TBCK: variants seen among roughly 807,000 people sequenced by gnomAD.
TBCK encodes the protein TBC domain-containing protein kinase-like protein.
Under a neutral mutation model 113.4 loss-of-function variants are expected in TBCK, and 99 were observed. The ratio of observed to expected loss-of-function variants is 0.87; its 90% confidence interval spans 0.74 to 1.03. The LOEUF (loss-of-function observed/expected upper bound fraction) is 1.03. TBCK is among the 50% of genes least tolerant of loss of function. The pLI is 0.00. For synonymous variants in TBCK, 369 were observed against 370.8 expected (o/e 1.00, Z 0.05); for missense variants, 1,045 against 1,061.3 (o/e 0.98, Z 0.21).
chr4:106,248,164 C>A, intron 9 of TBCK, 81 bp downstream of exon 9: 1 of 844,706 alleles, frequency 1.2e-6, no homozygotes, highest in Non-Finnish European at 1.8e-6. Flanking sequence ...ATCTTTAATC[C>A]ATTATATTAA....
chr4:106,250,350 C>T, intron 7 of TBCK, 68 bp downstream of exon 7: 1 of 1,055,330 alleles, frequency 9.5e-7, no homozygotes, highest in Non-Finnish European at 1.4e-6. Flanking sequence ...AACACATCCT[C>T]AATGTGCATG....
intron 24 of TBCK, among the ~76,000 whole-genome samples, chr4:106,108,241 T>C (rs181912404): frequency 3.9e-5 from 6 of 152,226 alleles, no homozygotes; most frequent in Non-Finnish European, 1.5e-5. Context: ...AAGGGACTTA[T>C]ACCTAACTCA....
intron 25 of TBCK, among the ~76,000 whole-genome samples, chr4:106,073,030 G>A (rs1207585553): frequency 6.6e-6 from 1 of 152,096 alleles, no homozygotes; most frequent in Admixed American, 6.6e-5. Context: ...GCTTCCTTGC[G>A]ATGGGTTCGA....
chr4:106,229,259 C>T (rs933937340), intron 19 of TBCK, among the ~76,000 whole-genome samples: 26 of 152,044 alleles, frequency 1.7e-4, no homozygotes, highest in African/African-American at 5.1e-4. Flanking sequence ...GATGTGATCT[C>T]ATTTGTCCAT....
intron 20 of TBCK, among the ~76,000 whole-genome samples, chr4:106,206,694 G>A (rs933511301): frequency 2.0e-5 from 3 of 152,004 alleles, no homozygotes; most frequent in Admixed American, 2.0e-4. Flanking sequence ...ATTTATTTAC[G>A]TAACAACATA....
chr4:106,203,896 A>C (rs1424208710), intron 20 of TBCK, among the ~76,000 whole-genome samples: 1 of 152,192 alleles, frequency 6.6e-6, no homozygotes, highest in Non-Finnish European at 1.5e-5. Flanking sequence ...AAAGATTAAA[A>C]TTCAAAGTGG....
Position 106,236,402 on chromosome 4 carries a change from G to C in TBCK, c.1338C>G (p.Asp446Glu), listed in dbSNP as rs780853410. 19 of 1,517,244 alleles carry C rather than the reference G, an allele frequency of 1.3e-5. No homozygotes were observed. The highest frequency in any genetic ancestry group is 1.7e-5 in the Non-Finnish European group (19 of 1,132,352). The allele number at this position is 1,517,244 out of a possible 1,614,324, so 94.0% of individuals were successfully genotyped here. The change falls in exon 14 of 26, where the codon GAC becomes GAG. Residue 446 changes from aspartate to glutamate, a missense_variant. By Grantham distance (45) the Asp-to-Glu change is conservative. Transcript: ENST00000394708. ...EYQLNRIILF[D>E]RLLKAYPYKK... Reference sequence around the variant, plus strand: ...TTAGAATCCATACCTTTAGCAGCCTGTCGAAGAGAATAATTCTATTTAGTT... The same window carrying C: ...TTAGAATCCATACCTTTAGCAGCCTCTCGAAGAGAATAATTCTATTTAGTT...
chr4:106,121,698 C>T (rs1578964846), intron 23 of TBCK, among the ~76,000 whole-genome samples: 2 of 152,272 alleles, frequency 1.3e-5, no homozygotes. Flanking sequence ...TGCAATCAAA[C>T]TAGAACTCAG....
chr4:106,236,608 T>C, intron 13 of TBCK, 89 bp from the exon 14 acceptor site: 1 of 1,228,560 alleles, frequency 8.1e-7, no homozygotes. Flanking sequence ...CAACAGTGAT[T>C]TCAGAAAAAG....
At chr4:106,153,430 A>G (rs1748750007) in intron 23 of TBCK, among the ~76,000 whole-genome samples, 1 of 151,848 alleles carries the variant, frequency 6.6e-6, no homozygotes, top group African/African-American at 2.4e-5. Flanking sequence ...TATTATTTCG[A>G]TTTTCTGAAT....
intron 23 of TBCK, among the ~76,000 whole-genome samples, chr4:106,125,733 G>GT (rs1745125319): frequency 1.3e-5 from 2 of 152,112 alleles, no homozygotes; most frequent in Admixed American, 1.3e-4. Context: ...TAGGGGGAGA[G>GT]TGGTGGGGTG....
chr4:106,152,727 T>C (rs1382900670), intron 23 of TBCK, among the ~76,000 whole-genome samples: 1 of 152,040 alleles, frequency 6.6e-6, no homozygotes, highest in Non-Finnish European at 1.5e-5. Context: ...TCTTTGCTGG[T>C]AGAATTTTTA....
At position 106,045,028 on chromosome 4, in the gene TBCK, T is replaced by C. The variant is rs1165038888; in HGVS notation, c.*1542A>G. 2.0e-5 allele frequency: 3 copies of C among 150,714 alleles called. No individual in the cohort carries two copies. Among genetic ancestry groups the C allele is most frequent in the South Asian group, 2.1e-4 (1 of 4,748 alleles). 9.3% of individuals were successfully genotyped at this position (150,714 alleles called of 1,614,324 possible). A position where few individuals can be genotyped will look rare whatever the true frequency, so the allele number is the denominator to read the frequency against. ...TCATATATATGAGGCATTTTTTTTT[T>C]CAGATTTCTGAAATGGGAATGTATC... On this transcript the variant is annotated 3_prime_UTR_variant, in exon 26 of 26. Coordinates refer to ENST00000394708, the MANE Select transcript of TBCK (RefSeq NM_001163435.3).
intron 19 of TBCK, among the ~76,000 whole-genome samples, chr4:106,226,282 A>C (rs1330303751): frequency 6.6e-6 from 1 of 152,244 alleles, no homozygotes; most frequent in East Asian, 1.9e-4. Flanking sequence ...TAGAAAAATA[A>C]AATTTTGGGA....
At chr4:106,127,802 T>C (rs925711100) in intron 23 of TBCK, among the ~76,000 whole-genome samples, 1 of 152,126 alleles carries the variant, frequency 6.6e-6, no homozygotes, top group Non-Finnish European at 1.5e-5. Context: ...ACAATTTTTT[T>C]CCAAACAATT....
intron 23 of TBCK, among the ~76,000 whole-genome samples, chr4:106,120,563 C>T (rs1744192681): frequency 1.3e-5 from 2 of 152,154 alleles, no homozygotes; most frequent in Non-Finnish European, 2.9e-5. Flanking sequence ...CTTAAATGTC[C>T]CTGTCTGACA....
At chr4:106,193,486 T>C in intron 22 of TBCK, 123 bp downstream of exon 22, 1 of 924,064 alleles carries the variant, frequency 1.1e-6, no homozygotes, top group Non-Finnish European at 1.6e-6. Context: ...CCAGAGAGGA[T>C]GATGAGGCCC....
At chr4:106,048,008 A>AG (rs1734404481) in intron 25 of TBCK, among the ~76,000 whole-genome samples, 1 of 152,094 alleles carries the variant, frequency 6.6e-6, no homozygotes, top group East Asian at 1.9e-4. Flanking sequence ...TAATATCTCA[A>AG]GGCAGCAATC....
chr4:106,094,062 T>A (rs936469272), intron 25 of TBCK, among the ~76,000 whole-genome samples: 4 of 152,160 alleles, frequency 2.6e-5, no homozygotes, highest in Admixed American at 6.5e-5. Context: ...AAGCAAAAAC[T>A]TAAAAGACTT....
Sources: gnomAD v4.1 joint callset for allele counts (sites outside exome capture counted in the v4.1 genomes callset) on GRCh38, gnomAD v4.1.1 for gene constraint, MANE v1.5 for transcripts, NCBI Gene and HGNC (gene_info 2026-07-23, HGNC 2026-07-21) for gene names.